WWOX: variants seen among roughly 807,000 people sequenced by gnomAD.
WWOX encodes WW domain containing oxidoreductase, also known as WW domain-containing oxidoreductase.
A neutral mutation model predicts 46.2 loss-of-function variants in WWOX; 69 were observed. The observed-to-expected ratio is 1.49, with a 90% confidence interval of 1.23 to 1.82. The LOEUF (loss-of-function observed/expected upper bound fraction) is 1.82. WWOX is among the 40% of genes most tolerant of loss of function. The pLI, the probability that WWOX is intolerant of heterozygous loss-of-function variation, is 0.00. For synonymous variants in WWOX, 359 were observed against 202.6 expected (o/e 1.77, Z -6.56); for missense variants, 919 against 542.6 (o/e 1.69, Z -6.89).
chr16:79,181,425 A>C (rs111310481), intron 8 of WWOX, among the ~76,000 whole-genome samples: 1 of 152,136 alleles, frequency 6.6e-6, no homozygotes, highest in African/African-American at 2.4e-5. Context: ...GTTATTATAT[A>C]CTGCTGGTTT....
chr16:78,406,411 G>GGT (rs897721425), intron 6 of WWOX, among the ~76,000 whole-genome samples: 6 of 143,396 alleles, frequency 4.2e-5, no homozygotes, highest in Non-Finnish European at 7.6e-5. Context: ...GGAGTGCAGT[G>GGT]GTGCAATCTC....
At chr16:78,287,994 C>T (rs1460328978) in intron 5 of WWOX, among the ~76,000 whole-genome samples, 1 of 152,238 alleles carries the variant, frequency 6.6e-6, no homozygotes, top group African/African-American at 2.4e-5. Context: ...TTAGGGACAA[C>T]ATTTAGGAGA....
intron 8 of WWOX, chr16:79,016,885 G>A (rs919168812): frequency 5.3e-5 from 8 of 152,142 alleles, no homozygotes; most frequent in East Asian, 3.9e-4. Context: ...TTTTCTCATC[G>A]TCTTATTATG....
chr16:78,641,294 G>T (rs2046704191), intron 8 of WWOX, among the ~76,000 whole-genome samples: 1 of 151,898 alleles, frequency 6.6e-6, no homozygotes, highest in African/African-American at 2.4e-5. Flanking sequence ...ACAATCAAAT[G>T]CAAATATGAC....
chr16:79,042,338 G>C (rs2047987197), intron 8 of WWOX, among the ~76,000 whole-genome samples: 1 of 152,202 alleles, frequency 6.6e-6, no homozygotes, highest in Non-Finnish European at 1.5e-5. Context: ...GAACATGGAA[G>C]TTCATTGACT....
chr16:79,050,501 C>T (rs1044891476), intron 8 of WWOX, among the ~76,000 whole-genome samples: 7 of 152,186 alleles, frequency 4.6e-5, no homozygotes, highest in East Asian at 1.9e-4. Context: ...CACACTGATG[C>T]CCCAAATAAA....
chr16:79,098,660 G>T (rs1477170421), intron 8 of WWOX, among the ~76,000 whole-genome samples: 1 of 152,192 alleles, frequency 6.6e-6, no homozygotes, highest in East Asian at 1.9e-4. Flanking sequence ...CCTAAAATGT[G>T]CAGGGTGTAG....
chr16:78,739,834 A>G (rs2049173888), intron 8 of WWOX, among the ~76,000 whole-genome samples: 1 of 152,140 alleles, frequency 6.6e-6, no homozygotes, highest in East Asian at 1.9e-4. Context: ...ACAAACAAAC[A>G]AAAACCCCAG....
intron 8 of WWOX, among the ~76,000 whole-genome samples, chr16:78,998,571 G>C (rs536212342): frequency 2.6e-5 from 4 of 152,158 alleles, no homozygotes; most frequent in Non-Finnish European, 5.9e-5. Flanking sequence ...GCTGTTAGAG[G>C]AGTTAATCGA....
chr16:78,304,611 C>G (rs13336101), intron 5 of WWOX, among the ~76,000 whole-genome samples: 2 of 152,252 alleles, frequency 1.3e-5, no homozygotes, highest in South Asian at 4.1e-4. Flanking sequence ...GATATATACG[C>G]GTGCTGCTTC....
At chr16:79,175,008 A>G (rs573935501) in intron 8 of WWOX, among the ~76,000 whole-genome samples, 2 of 152,278 alleles carry the variant, frequency 1.3e-5, no homozygotes, top group South Asian at 4.1e-4. Context: ...CCCTCAGCAT[A>G]CCGTGTCTTA....
chr16:78,846,035 G>T (rs992472146), intron 8 of WWOX, among the ~76,000 whole-genome samples: 1 of 152,176 alleles, frequency 6.6e-6, no homozygotes, highest in Non-Finnish European at 1.5e-5. Flanking sequence ...TGCACAGGAT[G>T]GAAAGCATGG....
intron 8 of WWOX, among the ~76,000 whole-genome samples, chr16:78,768,449 G>C (rs1045895369): frequency 6.6e-6 from 1 of 152,108 alleles, no homozygotes; most frequent in East Asian, 1.9e-4. Flanking sequence ...AATTAGCCAG[G>C]TGTGGTGGCG....
At chr16:78,651,340 GAT>G (rs2046962385) in intron 8 of WWOX, among the ~76,000 whole-genome samples, 1 of 152,204 alleles carries the variant, frequency 6.6e-6, no homozygotes, top group Admixed American at 6.5e-5. Context: ...CTACAGAAAA[GAT>G]ATAACGATTG....
intron 8 of WWOX, among the ~76,000 whole-genome samples, chr16:79,044,663 C>T (rs1271090765): frequency 6.6e-6 from 1 of 152,176 alleles, no homozygotes; most frequent in East Asian, 1.9e-4. Flanking sequence ...TTATAAATTA[C>T]CCAGTCTCAG....
chr16:78,863,784 A>T (rs955112652), intron 8 of WWOX, among the ~76,000 whole-genome samples: 1 of 152,200 alleles, frequency 6.6e-6, no homozygotes, highest in Non-Finnish European at 1.5e-5. Context: ...ACAAACTATC[A>T]CAGGCATAGT....
At chr16:78,792,137 A>G (rs118022621) in intron 8 of WWOX, among the ~76,000 whole-genome samples, 5,399 of 152,000 alleles carry the variant, frequency 0.036, 126 homozygotes, top group Non-Finnish European at 0.051. Context: ...ATCACAAACC[A>G]CCATTAGACC....
At chr16:78,444,228 C>G (rs1319887516) in intron 8 of WWOX, among the ~76,000 whole-genome samples, 2 of 152,122 alleles carry the variant, frequency 1.3e-5, no homozygotes, top group Admixed American at 6.6e-5. Context: ...TCTTACTCAT[C>G]TAATGTAATT....
At chr16:78,307,211 C>T (rs924532134) in intron 5 of WWOX, among the ~76,000 whole-genome samples, 2 of 152,144 alleles carry the variant, frequency 1.3e-5, no homozygotes, top group African/African-American at 4.8e-5. Context: ...ACTACCTGTT[C>T]ACTGCTGCCC....
Sources: gnomAD v4.1 joint callset for allele counts (sites outside exome capture counted in the v4.1 genomes callset) on GRCh38, gnomAD v4.1.1 for gene constraint, MANE v1.5 for transcripts, NCBI Gene and HGNC (gene_info 2026-07-23, HGNC 2026-07-21) for gene names.